The following SASH1 variants were observed in gnomAD, a reference collection of about 807,000 sequenced individuals.
SASH1 encodes the protein SAM and SH3 domain-containing protein 1.
In SASH1, 44 loss-of-function variants were observed where a neutral mutation model predicts 125.2. That is an observed-to-expected ratio of 0.35 (90% CI 0.28 to 0.45). The LOEUF (loss-of-function observed/expected upper bound fraction) is 0.45. SASH1 is among the 20% of genes least tolerant of loss of function. The pLI is 1.00. For missense variants in SASH1, 1,426 were observed against 1,614.5 expected (o/e 0.88, Z 2.00); for synonymous variants, 639 against 649.1 (o/e 0.98, Z 0.24).
At position 148,543,772 on chromosome 6, in the gene SASH1, A is replaced by G. The variant is rs189839838; in HGVS notation, c.2302A>G (p.Thr768Ala). 1 of 1,613,780 alleles carries G rather than the reference A, an allele frequency of 6.2e-7. No homozygotes were observed. Among genetic ancestry groups the G allele is most frequent in the Non-Finnish European group, 8.5e-7 (1 of 1,179,802 alleles). ...CAGAAACCAGTTGGGCAATTACCCA[A>G]CATTGCCTTTAATGAAATCAGGGGA... is the stretch of plus-strand genomic sequence containing the variant. The part of the protein sequence containing the change: ...FSRNQLGNYP[T>A]LPLMKSGDAL... The change falls in exon 18 of 20, where the codon ACA becomes GCA. Residue 768 changes from threonine (T) to alanine (A), a missense_variant. By Grantham distance (58) the Thr-to-Ala change is moderately conservative (BLOSUM62 0). Around this residue, in one of 3 missense-constraint regions of SASH1, gnomAD observed 634 missense variants for 694.4 expected, o/e 0.91. Coordinates refer to ENST00000367467, the MANE Select transcript of SASH1 (RefSeq NM_015278.5).
At chr6:148,234,563 C>T in the SASH1 span, among the ~76,000 whole-genome samples, 19 of 151,950 alleles carry the variant, frequency 1.3e-4, no homozygotes, top group Non-Finnish European at 2.5e-4. Context: ...TGGTGGCTCA[C>T]ACCTGTAATG....
intron 1 of SASH1, among the ~76,000 whole-genome samples, chr6:148,329,416 T>G (rs1478952210): frequency 2.0e-5 from 3 of 152,208 alleles, no homozygotes; most frequent in Non-Finnish European, 4.4e-5. Flanking sequence ...AGGGAATTGT[T>G]TCACTAAGCT....
intron 2 of SASH1, among the ~76,000 whole-genome samples, chr6:148,430,005 C>T (rs1323596919): frequency 6.6e-6 from 1 of 152,198 alleles, no homozygotes; most frequent in African/African-American, 2.4e-5. Context: ...CCCATAGGTA[C>T]ATTTAATGAA....
chr6:148,550,823 G>A lies in SASH1; in HGVS notation c.*2265G>A, dbSNP rs1782840104. On this transcript the variant is annotated 3_prime_UTR_variant, in exon 20 of 20. Coordinates refer to ENST00000367467, the MANE Select transcript of SASH1 (RefSeq NM_015278.5). Reference sequence around the variant, plus strand: ...GACAGATCCTGTCATTGTTTAAGCTGAGCAAAAAACCACACAAAAGTTGTG... The same window carrying A: ...GACAGATCCTGTCATTGTTTAAGCTAAGCAAAAAACCACACAAAAGTTGTG... The A allele has an allele frequency of 6.6e-6, 1 of 152,262 alleles. No individual in the cohort carries two copies. Among genetic ancestry groups the A allele is most frequent in the East Asian group, 1.9e-4 (1 of 5,182 alleles). The allele number at this position is 152,262 out of a possible 1,614,324, so 9.4% of individuals were successfully genotyped here.
intron 1 of SASH1, among the ~76,000 whole-genome samples, chr6:148,332,912 G>A (rs1428061986): frequency 3.3e-5 from 5 of 152,116 alleles, no homozygotes; most frequent in African/African-American, 7.2e-5. Flanking sequence ...CCTTGAACCC[G>A]GGAGGTGGAG....
the SASH1 span, among the ~76,000 whole-genome samples, chr6:148,260,393 G>A: frequency 2.6e-5 from 4 of 152,000 alleles, no homozygotes; most frequent in Non-Finnish European, 4.4e-5. Context: ...GATCATCTGA[G>A]CCCAGGAGTT....
chr6:148,539,351 TC>T lies in SASH1; in HGVS notation c.2096-1086del, dbSNP rs200323610. On this transcript the variant is annotated intron_variant, in intron 16 of 19. Coordinates refer to ENST00000367467, the MANE Select transcript of SASH1 (RefSeq NM_015278.5). Reference sequence around the variant, plus strand: ...ATGTGTAGTTTTTTTATCCCTAGACTCCCCCCACCCTTCCTCTTCTGACTCT... The same window carrying T: ...ATGTGTAGTTTTTTTATCCCTAGACTCCCCCACCCTTCCTCTTCTGACTCT... Among the ~76,000 whole-genome samples, 1,225 of 151,960 alleles carry T rather than the reference TC, an allele frequency of 8.1e-3. 25 individuals carry two copies. Among genetic ancestry groups the T allele is most frequent in the African/African-American group, 0.027 (1,119 of 41,428 alleles).
the SASH1 span, among the ~76,000 whole-genome samples, chr6:148,215,700 G>A: frequency 6.6e-6 from 1 of 152,112 alleles, no homozygotes; most frequent in South Asian, 2.1e-4. Flanking sequence ...ATGATAAATT[G>A]TGGTGTCGTT....
At chr6:148,273,985 C>A (rs551224881) in intron 1 of SASH1, among the ~76,000 whole-genome samples, 1 of 152,318 alleles carries the variant, frequency 6.6e-6, no homozygotes, top group African/African-American at 2.4e-5. Flanking sequence ...TTTGCTTGGG[C>A]AAATTTCTCC....
At chr6:148,244,249 C>T in the SASH1 span, among the ~76,000 whole-genome samples, 1 of 152,294 alleles carries the variant, frequency 6.6e-6, no homozygotes, top group Non-Finnish European at 1.5e-5. Flanking sequence ...TATGCTTAGA[C>T]TCCTGGAAGC....
At chr6:148,465,883 T>G (rs538833444) in intron 4 of SASH1, among the ~76,000 whole-genome samples, 1 of 152,192 alleles carries the variant, frequency 6.6e-6, no homozygotes, top group Non-Finnish European at 1.5e-5. Context: ...GCTGCTTCTC[T>G]TCCTCATTCT....
intron 8 of SASH1, among the ~76,000 whole-genome samples, chr6:148,496,906 A>G (rs1779337532): frequency 6.6e-6 from 1 of 152,116 alleles, no homozygotes; most frequent in African/African-American, 2.4e-5. Context: ...AATTTTTTAA[A>G]AATATAAAAT....
intron 2 of SASH1, among the ~76,000 whole-genome samples, chr6:148,391,683 T>A (rs1783736518): frequency 6.6e-6 from 1 of 152,198 alleles, no homozygotes; most frequent in African/African-American, 2.4e-5. Context: ...ATAGCATAGG[T>A]GCTATATATA....
At chr6:148,449,091 T>TTTTCTTTTTTTTTTTTTTTTTTTTTTTC (rs1436804880) in intron 4 of SASH1, among the ~76,000 whole-genome samples, 1 of 147,122 alleles carries the variant, frequency 6.8e-6, no homozygotes. Context: ...TTTTTTTTTT[T>TTTTCTTTTTTTTTTTTTTTTTTTTTTTC]TTGGAGACAG....
In SASH1 at chr6:148,495,881, GC is replaced by G. The variant is rs1168955982; in HGVS notation, c.729+8167del. On this transcript the variant is annotated intron_variant, in intron 8 of 19. Transcript: ENST00000367467. The surrounding 1 kb of genome is among the most constrained non-coding windows in gnomAD (Gnocchi z 4.0). ...GAAGGAGTCTCATTCTGTCACCCAG[GC>G]TGGAGTGCAGTGGCACGATCTCGGC... 6.6e-6 allele frequency among the ~76,000 whole-genome samples: 1 copy of G among 152,174 alleles called. No individual in the cohort carries two copies. Among genetic ancestry groups the G allele is most frequent in the East Asian group, 1.9e-4 (1 of 5,194 alleles).
the SASH1 span, among the ~76,000 whole-genome samples, chr6:148,213,887 T>G: frequency 6.6e-6 from 1 of 152,350 alleles, no homozygotes; most frequent in Admixed American, 6.5e-5. Context: ...TCTTTTGATT[T>G]ACTAGGGTTC....
intron 4 of SASH1, among the ~76,000 whole-genome samples, chr6:148,454,919 C>G (rs1777266189): frequency 6.6e-6 from 1 of 152,242 alleles, no homozygotes; most frequent in South Asian, 2.1e-4. Flanking sequence ...AGTCCCCAAC[C>G]TCTCATCTAA....
At chr6:148,317,865 G>T (rs1041767018) in intron 1 of SASH1, among the ~76,000 whole-genome samples, 1 of 152,264 alleles carries the variant, frequency 6.6e-6, no homozygotes, top group African/African-American at 2.4e-5. Flanking sequence ...CTTTAGCAAC[G>T]CATTCCATTA....
chr6:148,515,874 CAAAT>C (rs914483673), intron 9 of SASH1, among the ~76,000 whole-genome samples: 2 of 152,138 alleles, frequency 1.3e-5, no homozygotes, highest in Non-Finnish European at 2.9e-5. Flanking sequence ...TCAGATATAA[CAAAT>C]AGATGGGTGG....
Sources: gnomAD v4.1 joint callset for allele counts (sites outside exome capture counted in the v4.1 genomes callset) on GRCh38, gnomAD v4.1.1 for gene constraint, gnomAD v4.1.1 regional missense constraint, Gnocchi (gnomAD v3.1) non-coding constraint, MANE v1.5 for transcripts, NCBI Gene and HGNC (gene_info 2026-07-23, HGNC 2026-07-21) for gene names.